TTC39C: variants seen among roughly 807,000 people sequenced by gnomAD.
TTC39C encodes tetratricopeptide repeat protein 39C.
TTC39C carries 33 observed loss-of-function variants against 76.3 expected under a neutral mutation model. The ratio of observed to expected loss-of-function variants is 0.43; its 90% confidence interval spans 0.33 to 0.58. TTC39C has a LOEUF of 0.58. TTC39C is among the 20% of genes least tolerant of loss of function. The probability of loss-of-function intolerance (pLI) is 0.04; values close to 1 mark genes in which losing one functional copy is unlikely to be tolerated. For synonymous variants in TTC39C, 254 were observed against 260.6 expected (o/e 0.97, Z 0.24); for missense variants, 595 against 701.4 (o/e 0.85, Z 1.71).
At chr18:24,082,771 T>A in intron 5 of TTC39C, 142 bp from the exon 6 acceptor site, 1 of 802,192 alleles carries the variant, frequency 1.2e-6, no homozygotes, top group Non-Finnish European at 1.8e-6. Context: ...ATGGGGAAAG[T>A]CTCTGATTTT....
intron 7 of TTC39C, chr18:24,114,896 A>G: frequency 2.7e-6 from 1 of 365,570 alleles, no homozygotes; most frequent in Non-Finnish European, 5.1e-6. Flanking sequence ...TGATTAAATG[A>G]CCAGAAATAC....
chr18:24,116,598 G>T (rs759568562), intron 7 of TTC39C, among the ~76,000 whole-genome samples: 1 of 152,094 alleles, frequency 6.6e-6, no homozygotes, highest in Non-Finnish European at 1.5e-5. Context: ...ACATCCCATA[G>T]AATTTGACAG....
chr18:24,023,969 TATATATATATA>T (rs1568408869), intron 1 of TTC39C, among the ~76,000 whole-genome samples: 506 of 13,832 alleles, frequency 0.037, 23 homozygotes, highest in East Asian at 0.11. Context: ...TATATATATA[TATATATATATA>T]CATATATATA....
chr18:24,093,762 A>C (rs2084557056), intron 6 of TTC39C, among the ~76,000 whole-genome samples: 1 of 152,220 alleles, frequency 6.6e-6, no homozygotes, highest in African/African-American at 2.4e-5. Flanking sequence ...ATGTCTAAAA[A>C]TACAATGTGT....
chr18:24,114,426 A>G (rs1035554087), intron 6 of TTC39C, 128 bp from the exon 7 acceptor site: 7 of 672,110 alleles, frequency 1.0e-5, no homozygotes, highest in Non-Finnish European at 1.8e-5. Flanking sequence ...CAATCTTTAA[A>G]CCACTGTCTT....
Position 24,133,925 on chromosome 18 carries a change from C to A in TTC39C, c.*1351C>A, listed in dbSNP as rs1190106179. On this transcript the variant is annotated 3_prime_UTR_variant, in exon 14 of 14. Transcript: ENST00000317571. ...ATCTCATATTAATATTTTAATATTT[C>A]TTTTCAAAATAAAACAGAAAAGCAA... is the stretch of plus-strand genomic sequence containing the variant. 1 of 152,218 alleles carries A rather than the reference C, an allele frequency of 6.6e-6. No individual in the cohort carries two copies. Among genetic ancestry groups the A allele is most frequent in the African/African-American group, 2.4e-5 (1 of 41,392 alleles). 9.4% of individuals were successfully genotyped at this position (152,218 alleles called of 1,614,324 possible). A position where few individuals can be genotyped will look rare whatever the true frequency, so the allele number is the denominator to read the frequency against.
intron 6 of TTC39C, among the ~76,000 whole-genome samples, chr18:24,106,834 G>A (rs551887230): frequency 2.6e-4 from 39 of 152,272 alleles, no homozygotes; most frequent in Non-Finnish European, 4.9e-4. Context: ...ACAGGTGCAT[G>A]CCACCATGCC....
intron 1 of TTC39C, among the ~76,000 whole-genome samples, chr18:24,046,155 G>A (rs1260022310): frequency 1.5e-4 from 22 of 151,548 alleles, no homozygotes; most frequent in Admixed American, 1.4e-3. Context: ...AGCCAGGAAG[G>A]TCTTGATCTC....
intron 1 of TTC39C, among the ~76,000 whole-genome samples, chr18:24,038,046 GTA>G (rs2145686154): frequency 1.3e-5 from 2 of 152,294 alleles, no homozygotes; most frequent in East Asian, 3.9e-4. Flanking sequence ...TGTCAGATGT[GTA>G]TCTAGTGGCA....
chr18:24,023,185 C>A (rs2083537094), intron 1 of TTC39C, among the ~76,000 whole-genome samples: 1 of 152,182 alleles, frequency 6.6e-6, no homozygotes, highest in South Asian at 2.1e-4. Flanking sequence ...CTCATCACTC[C>A]CTCCCATTCT....
chr18:24,088,941 T>A (rs1186123161), intron 6 of TTC39C, among the ~76,000 whole-genome samples: 1 of 152,194 alleles, frequency 6.6e-6, no homozygotes, highest in Non-Finnish European at 1.5e-5. Context: ...CTGTGAGAGG[T>A]GCCTTTTAAA....
chr18:24,030,655 T>TTTTC (rs1472380170), intron 1 of TTC39C, among the ~76,000 whole-genome samples: 1 of 130,808 alleles, frequency 7.6e-6, no homozygotes, highest in African/African-American at 3.1e-5. Flanking sequence ...GGCCTTTTTT[T>TTTTC]TTTTTTTTTT....
chr18:24,086,871 A>G (rs2120570), intron 6 of TTC39C, among the ~76,000 whole-genome samples: 114,739 of 151,834 alleles, frequency 0.76, 45,839 homozygotes, highest in Non-Finnish European at 0.89. Flanking sequence ...TATTATTCCT[A>G]CTGAGTGCTT....
chr18:24,080,697 C>T lies in TTC39C; in HGVS notation c.573C>T (p.Ser191=). 6.2e-7 allele frequency: 1 copy of T among 1,614,044 alleles called. No homozygotes were observed. Among genetic ancestry groups the T allele is most frequent in the Non-Finnish European group, 8.5e-7 (1 of 1,179,984 alleles). Residue 191 remains serine (S), a synonymous_variant, in exon 5 of 14, where the codon TCC becomes TCT. Transcript: ENST00000317571. ...ATCAGAAGAAGCTAACTGAAGAGTC[C>T]TTGACTTCTGATGCTGCAAATGATA... ...ELYQKKLTEE[S]LTSDAANDNH...
At chr18:24,122,142 G>A (rs2029238) in intron 8 of TTC39C, among the ~76,000 whole-genome samples, 18,467 of 152,004 alleles carry the variant, frequency 0.12, 1,288 homozygotes, top group Middle Eastern at 0.28. Context: ...ATCCTGGTAC[G>A]TGCACGCCTG....
upstream of TTC39C, among the ~76,000 whole-genome samples, chr18:24,012,662 C>A (rs1011329562): frequency 6.6e-6 from 1 of 152,150 alleles, no homozygotes; most frequent in South Asian, 2.1e-4. Context: ...CCCTTATTGA[C>A]TAGACTGCTT....
At chr18:24,090,315 A>G (rs374264975) in intron 6 of TTC39C, among the ~76,000 whole-genome samples, 1 of 152,214 alleles carries the variant, frequency 6.6e-6, no homozygotes, top group East Asian at 1.9e-4. Context: ...CTCTTAAATG[A>G]TGAGAAATTC....
chr18:24,029,248 G>A (rs529506916), intron 1 of TTC39C, among the ~76,000 whole-genome samples: 53 of 152,136 alleles, frequency 3.5e-4, no homozygotes, highest in African/African-American at 1.1e-3. Context: ...GATTATAGGC[G>A]TGTACCACCA....
intron 1 of TTC39C, among the ~76,000 whole-genome samples, chr18:24,019,118 G>A (rs1357002974): frequency 6.6e-6 from 1 of 152,162 alleles, no homozygotes; most frequent in Non-Finnish European, 1.5e-5. Flanking sequence ...CAGTAATGAA[G>A]CACATGGAGG....
Sources: allele counts gnomAD v4.1 joint callset (sites outside exome capture counted in the v4.1 genomes callset), GRCh38; gene constraint gnomAD v4.1.1; transcripts MANE v1.5; gene names NCBI Gene and HGNC (gene_info 2026-07-23, HGNC 2026-07-21).